CPA6: variants seen among roughly 807,000 people sequenced by gnomAD.
The protein encoded by CPA6 is carboxypeptidase A6, also known as carboxypeptidase B.
Under a neutral mutation model 63.3 loss-of-function variants are expected in CPA6, and 58 were observed. The ratio of observed to expected loss-of-function variants is 0.92; its 90% CI spans 0.74 to 1.14. The LOEUF (loss-of-function observed/expected upper bound fraction) is 1.14. Ranked by LOEUF, CPA6 falls within the 50% of genes most tolerant of loss-of-function variation. The pLI, the probability that CPA6 is intolerant of heterozygous loss-of-function variation, is 0.00. For missense variants in CPA6, 565 were observed against 526.6 expected (o/e 1.07, Z -0.71); for synonymous variants, 185 against 179.0 (o/e 1.03, Z -0.27).
chr8:67,580,251 G>A (rs1289922589), intron 2 of CPA6, among the ~76,000 whole-genome samples: 1 of 152,230 alleles, frequency 6.6e-6, no homozygotes, highest in Non-Finnish European at 1.5e-5. Flanking sequence ...CAGCTGTTAA[G>A]CTGTGGGGGT....
chr8:67,587,300 G>A (rs1236297072), intron 2 of CPA6, among the ~76,000 whole-genome samples: 1 of 152,134 alleles, frequency 6.6e-6, no homozygotes, highest in Admixed American at 6.6e-5. Context: ...CCTGATGTGA[G>A]TAATACAGAT....
chr8:67,724,344 G>T (rs371648792), intron 1 of CPA6, among the ~76,000 whole-genome samples: 16 of 152,172 alleles, frequency 1.1e-4, no homozygotes, highest in African/African-American at 3.6e-4. Flanking sequence ...CCTAATCACA[G>T]CTGAGCTGTC....
At chr8:67,506,572 G>A (rs1811930291) in intron 6 of CPA6, among the ~76,000 whole-genome samples, 1 of 152,198 alleles carries the variant, frequency 6.6e-6, no homozygotes, top group Non-Finnish European at 1.5e-5. Flanking sequence ...TGTAATGAGA[G>A]CTGCCAATTC....
intron 1 of CPA6, among the ~76,000 whole-genome samples, chr8:67,634,179 AATTATTATTATTATTATTATT>A (rs36123716): frequency 5.7e-5 from 8 of 139,906 alleles, no homozygotes; most frequent in Admixed American, 1.4e-4. Context: ...CACTGGATTT[AATTATTATTATTATTATTATT>A]ATTATTATTA....
intron 2 of CPA6, chr8:67,569,670 T>C (rs1813434264): frequency 3.1e-6 from 1 of 324,998 alleles, no homozygotes; most frequent in Non-Finnish European, 6.2e-6. Context: ...CCAAACTGTG[T>C]TTTAAGCAGG....
chr8:67,430,438 G>A (rs1453855941), intron 9 of CPA6, among the ~76,000 whole-genome samples: 1 of 151,726 alleles, frequency 6.6e-6, no homozygotes, highest in African/African-American at 2.4e-5. Flanking sequence ...GCCTGCCTTG[G>A]CCTCCCAAAA....
intron 2 of CPA6, among the ~76,000 whole-genome samples, chr8:67,591,019 G>T (rs1367140299): frequency 2.0e-5 from 3 of 151,812 alleles, no homozygotes; most frequent in Non-Finnish European, 4.4e-5. Context: ...ATGGTTTTAG[G>T]TCTAACATTT....
intron 2 of CPA6, among the ~76,000 whole-genome samples, chr8:67,525,924 ATAT>A (rs1812352561): frequency 6.6e-6 from 1 of 152,228 alleles, no homozygotes; most frequent in South Asian, 2.1e-4. Flanking sequence ...GGTACAATGC[ATAT>A]TATTTGGGTG....
chr8:67,591,894 A>G (rs1215385706), intron 2 of CPA6, among the ~76,000 whole-genome samples: 1 of 152,128 alleles, frequency 6.6e-6, no homozygotes, highest in Non-Finnish European at 1.5e-5. Flanking sequence ...CTCCTGCCTA[A>G]TTGCCCTGGC....
At chr8:67,458,499 G>C (rs1810728997) in intron 8 of CPA6, among the ~76,000 whole-genome samples, 1 of 152,102 alleles carries the variant, frequency 6.6e-6, no homozygotes, top group South Asian at 2.1e-4. Flanking sequence ...TGCCTGGCCA[G>C]CAATCACTTT....
intron 2 of CPA6, among the ~76,000 whole-genome samples, chr8:67,555,343 T>G (rs1031887662): frequency 2.6e-5 from 4 of 152,176 alleles, no homozygotes; most frequent in Non-Finnish European, 4.4e-5. Flanking sequence ...TGGCCAATGA[T>G]TTAATCAATC....
chr8:67,541,635 T>A (rs571526500), intron 2 of CPA6, among the ~76,000 whole-genome samples: 442 of 152,294 alleles, frequency 2.9e-3, no homozygotes, highest in Non-Finnish European at 5.5e-3. Flanking sequence ...ATGTGAGTCT[T>A]GCCGAAGCTC....
chr8:67,592,711 T>C (rs1814168136), intron 2 of CPA6, among the ~76,000 whole-genome samples: 1 of 152,216 alleles, frequency 6.6e-6, no homozygotes, highest in African/African-American at 2.4e-5. Flanking sequence ...GTAGTTTGTA[T>C]TTCAGTGGGA....
chr8:67,708,364 A>G (rs185687485), intron 1 of CPA6, among the ~76,000 whole-genome samples: 2 of 152,342 alleles, frequency 1.3e-5, no homozygotes, highest in Admixed American at 1.3e-4. Context: ...TTATGTTTCA[A>G]GAACAATTGT....
intron 1 of CPA6, among the ~76,000 whole-genome samples, chr8:67,636,884 T>C (rs773986952): frequency 5.3e-5 from 8 of 151,720 alleles, no homozygotes; most frequent in Non-Finnish European, 1.0e-4. Context: ...AAAGATTATG[T>C]TTTGATGCAC....
At chr8:67,635,252 A>C (rs1018245018) in intron 1 of CPA6, among the ~76,000 whole-genome samples, 1 of 151,390 alleles carries the variant, frequency 6.6e-6, no homozygotes, top group African/African-American at 2.5e-5. Flanking sequence ...CACAAAAAAC[A>C]TGACACAATT....
chr8:67,432,510 AG>A (rs1483544897), intron 9 of CPA6, among the ~76,000 whole-genome samples: 1 of 152,146 alleles, frequency 6.6e-6, no homozygotes, highest in Non-Finnish European at 1.5e-5. Flanking sequence ...CCCTGGCTGC[AG>A]GGCAGTGGCA....
At chr8:67,560,786 C>T (rs991684087) in intron 2 of CPA6, among the ~76,000 whole-genome samples, 6 of 152,138 alleles carry the variant, frequency 3.9e-5, no homozygotes, top group South Asian at 4.1e-4. Flanking sequence ...CATTTCCTTT[C>T]GTAGTCCTTT....
intron 8 of CPA6, among the ~76,000 whole-genome samples, chr8:67,466,751 A>G (rs1810935427): frequency 1.3e-5 from 2 of 152,186 alleles, no homozygotes; most frequent in Non-Finnish European, 2.9e-5. Flanking sequence ...GTTAATTTCC[A>G]TGTGACTGTG....
Sources: gnomAD v4.1 joint callset for allele counts (sites outside exome capture counted in the v4.1 genomes callset) on GRCh38, gnomAD v4.1.1 for gene constraint, MANE v1.5 for transcripts, NCBI Gene and HGNC (gene_info 2026-07-23, HGNC 2026-07-21) for gene names.